Variants in SNX25 observed in about 807,000 individuals in gnomAD.
SNX25 encodes sorting nexin-25.
In SNX25, 62 loss-of-function variants were observed where a neutral mutation model predicts 113.7. The observed-to-expected ratio is 0.55, with a 90% CI of 0.44 to 0.67. The LOEUF is 0.67. Among genes scored for constraint, SNX25 ranks in the 30% least tolerant of loss-of-function variants. The probability of loss-of-function intolerance (pLI) is 0.00; values close to 1 mark genes in which losing one functional copy is unlikely to be tolerated. For synonymous variants in SNX25, 421 were observed against 436.2 expected (o/e 0.97, Z 0.43); for missense variants, 1,014 against 1,161.0 (o/e 0.87, Z 1.84).
At chr4:185,263,199 G>T (rs1435648552) in intron 3 of SNX25, among the ~76,000 whole-genome samples, 1 of 152,098 alleles carries the variant, frequency 6.6e-6, no homozygotes, top group South Asian at 2.1e-4. Flanking sequence ...GAGAGATTTT[G>T]ATATTGTTTA....
chr4:185,320,656 T>C, intron 7 of SNX25, 77 bp from the exon 8 acceptor site: 1 of 1,104,786 alleles, frequency 9.1e-7, no homozygotes, highest in Non-Finnish European at 1.2e-6. Flanking sequence ...AATGTAGAAA[T>C]CAGTCCATTG....
chr4:185,239,187 G>C (rs1205604317), intron 1 of SNX25, among the ~76,000 whole-genome samples: 1 of 152,160 alleles, frequency 6.6e-6, no homozygotes, highest in African/African-American at 2.4e-5. Context: ...ACATATATTA[G>C]AGAAAAGTTT....
At chr4:185,288,317 A>T (rs1751633622) in intron 6 of SNX25, among the ~76,000 whole-genome samples, 1 of 152,198 alleles carries the variant, frequency 6.6e-6, no homozygotes. Context: ...AGCTGCAGTC[A>T]TAATTTTTAG....
chr4:185,254,739 C>G (rs906830287), intron 2 of SNX25, among the ~76,000 whole-genome samples: 1 of 152,174 alleles, frequency 6.6e-6, no homozygotes, highest in Non-Finnish European at 1.5e-5. Context: ...TCTCTCATCT[C>G]CAGTGGCCTC....
At chr4:185,351,287 T>C (rs2095313586) in intron 13 of SNX25, among the ~76,000 whole-genome samples, 158 bp from the exon 14 acceptor site, 1 of 152,322 alleles carries the variant, frequency 6.6e-6, no homozygotes, top group Middle Eastern at 3.4e-3. Context: ...GAATTGATCT[T>C]ATATAGTTTG....
intron 1 of SNX25, among the ~76,000 whole-genome samples, chr4:185,233,463 T>G (rs1742154056): frequency 6.6e-6 from 1 of 152,198 alleles, no homozygotes; most frequent in South Asian, 2.1e-4. Context: ...ATTTCCCTTA[T>G]GAACTCAAAA....
intron 1 of SNX25, among the ~76,000 whole-genome samples, chr4:185,220,671 G>A (rs1405911333): frequency 2.6e-5 from 4 of 151,618 alleles, no homozygotes; most frequent in Admixed American, 6.6e-5. Context: ...TAGTAGAGAC[G>A]GGGTTTCACC....
chr4:185,374,034 G>A, downstream of SNX25: 2 of 923,552 alleles, frequency 2.2e-6, no homozygotes, highest in Middle Eastern at 2.3e-4. Context: ...GGAACTATAA[G>A]AGATATTTAA....
Position 185,362,692 on chromosome 4 carries a change from C to T in SNX25, c.2915C>T (p.Ala972Val). ...TTCAATGCACTGCAAGAAACAAGAG[C>T]CAACAAGCATCTGTTATATGTGAGT... ...KIFNALQETR[A>V]NKHLLYALME... The change falls in exon 18 of 19, where the codon GCC (alanine) becomes GTC (valine). Residue 972 changes from alanine (A) to valine (V), a missense_variant. Transcript: ENST00000652585. 1.2e-6 allele frequency: 2 copies of T among 1,613,960 alleles called. No individual in the cohort carries two copies. Among genetic ancestry groups the T allele is most frequent in the Non-Finnish European group, 1.7e-6 (2 of 1,179,896 alleles).
the SNX25 span, chr4:185,378,124 A>G: frequency 6.2e-7 from 1 of 1,614,036 alleles, no homozygotes. Context: ...GGTTTTTAGC[A>G]GCATACTGAG....
chr4:185,375,664 A>T, the SNX25 span: 26 of 1,612,270 alleles, frequency 1.6e-5, 1 homozygote, highest in Middle Eastern at 3.3e-4. Context: ...CTAGCTGGTA[A>T]GTTGCTTGAT....
intron 5 of SNX25, among the ~76,000 whole-genome samples, chr4:185,286,093 G>GTTTGTTTTGT (rs368483904): frequency 7.1e-4 from 108 of 151,332 alleles, no homozygotes; most frequent in African/African-American, 2.5e-3. Flanking sequence ...CTGTTTTGGG[G>GTTTGTTTTGT]TTTGTTTTGT....
At chr4:185,237,599 C>CT in intron 1 of SNX25, among the ~76,000 whole-genome samples, 2 of 152,034 alleles carry the variant, frequency 1.3e-5, no homozygotes, top group Middle Eastern at 3.4e-3. Flanking sequence ...GGTGGGCGCT[C>CT]TAAGAGCTTT....
rs1748205382 is a variant in SNX25 at position 185,267,058 on chromosome 4, G to A, written c.994G>A (p.Glu332Lys). Residue 332 changes from glutamate (E) to lysine (K), a missense_variant, in exon 5 of 19, where the codon GAG (glutamate) becomes AAG (lysine). Coordinates refer to ENST00000652585, the MANE Select transcript of SNX25 (RefSeq NM_001378034.2). Reference protein sequence around the residue: ...AQLAYREQMNEHHKRAYTYAP... With the variant: ...AQLAYREQMNKHHKRAYTYAP... ...GCTGGCGTACAGAGAGCAAATGAAT[G>A]AGCATCACAAGAGAGCCTACACCTA... is the stretch of plus-strand genomic sequence containing the variant. The A allele has an allele frequency of 6.2e-7, 1 of 1,613,862 alleles. No individual in the cohort carries two copies. The highest frequency in any genetic ancestry group is 8.5e-7 in the Non-Finnish European group (1 of 1,179,974).
At position 185,363,283 on chromosome 4, in the gene SNX25, T is replaced by G; in HGVS notation, c.2935-102T>G. On this transcript the variant is annotated intron_variant, in intron 18 of 18. Transcript: ENST00000652585. The surrounding 1 kb of genome is among the most constrained non-coding windows in gnomAD (Gnocchi z 4.2). ...GAGTTACTTGTTTACTGAGATAATT[T>G]CAGACCTAAAATTAGACTTTTCTCT... 9.7e-7 allele frequency: 1 copy of G among 1,033,810 alleles called. No individual in the cohort carries two copies. Among genetic ancestry groups the G allele is most frequent in the Non-Finnish European group, 1.5e-6 (1 of 688,216 alleles). The allele number at this position is 1,033,810 out of a possible 1,614,324, so 64.0% of individuals were successfully genotyped here.
At chr4:185,295,320 G>A (rs536049789) in intron 6 of SNX25, among the ~76,000 whole-genome samples, 149 of 152,240 alleles carry the variant, frequency 9.8e-4, no homozygotes, top group Middle Eastern at 3.4e-3. Context: ...AAAGAAGAAT[G>A]AACAGATGGA....
rs1482125981 is a variant in SNX25 at position 185,210,642 on chromosome 4, G to A, written c.429+387G>A. ...TGCGCACGGTCCTGGCGATCCGCTT[G>A]GTTCTTCTGGCCGTTCTCGGTGGGA... On this transcript the variant is annotated intron_variant, in intron 1 of 18. Coordinates refer to ENST00000652585, the MANE Select transcript of SNX25 (RefSeq NM_001378034.2). The surrounding 1 kb of genome is among the most constrained non-coding windows in gnomAD (Gnocchi z 4.4). Among the ~76,000 whole-genome samples, 1 of 152,068 alleles carries A rather than the reference G, an allele frequency of 6.6e-6. No homozygotes were observed. The highest frequency in any genetic ancestry group is 1.5e-5 in the Non-Finnish European group (1 of 68,008).
At chr4:185,352,656 C>T (rs1308601692) in intron 14 of SNX25, among the ~76,000 whole-genome samples, 1 of 152,178 alleles carries the variant, frequency 6.6e-6, no homozygotes, top group Non-Finnish European at 1.5e-5. Flanking sequence ...TCTTTTGAGG[C>T]GTTTGCTGTT....
At position 185,362,194 on chromosome 4, in the gene SNX25, A is replaced by G. The variant is rs2095367766; in HGVS notation, c.2833+89A>G. 9.7e-6 allele frequency: 14 copies of G among 1,437,588 alleles called. No homozygotes were observed. The East Asian group carries it at 3.3e-4, about 34-fold the overall frequency. The allele number at this position is 1,437,588 out of a possible 1,614,324, so 89.1% of individuals were successfully genotyped here. On this transcript the variant is annotated intron_variant, in intron 17 of 18. Coordinates refer to ENST00000652585, the MANE Select transcript of SNX25 (RefSeq NM_001378034.2). ...TGATTTTCATTTATGTCTTGCAGGAAACATTCTTTACAATGAAAAAAAAAA... is the reference window on the plus strand; with the variant it reads ...TGATTTTCATTTATGTCTTGCAGGAGACATTCTTTACAATGAAAAAAAAAA...
Sources: gnomAD v4.1 joint callset for allele counts (sites outside exome capture counted in the v4.1 genomes callset) on GRCh38, gnomAD v4.1.1 for gene constraint, Gnocchi (gnomAD v3.1) non-coding constraint, MANE v1.5 for transcripts, NCBI Gene and HGNC (gene_info 2026-07-23, HGNC 2026-07-21) for gene names.